The following SLC6A17 variants were observed in gnomAD, a reference collection of about 807,000 sequenced individuals.
SLC6A17 encodes the protein sodium-dependent neutral amino acid transporter SLC6A17.
In SLC6A17, 21 loss-of-function variants were observed where a neutral mutation model predicts 64.5. The observed-to-expected ratio is 0.33, with a 90% CI of 0.23 to 0.47. The LOEUF (loss-of-function observed/expected upper bound fraction) is 0.47. Ranked by LOEUF, SLC6A17 falls within the 20% of genes least tolerant of loss-of-function variation. SLC6A17 has a pLI of 1.00. For synonymous variants in SLC6A17, 372 were observed against 399.5 expected, an observed-to-expected ratio of 0.93 and a Z score of 0.82; for missense variants, 682 against 963.2, an observed-to-expected ratio of 0.71 and a Z score of 3.86.
intron 1 of SLC6A17, among the ~76,000 whole-genome samples, chr1:110,162,194 G>C (rs186213634): frequency 4.3e-5 from 6 of 138,180 alleles, no homozygotes; most frequent in Non-Finnish European, 1.0e-4. Flanking sequence ...AGCTACTAAG[G>C]GGGGGATAAT....
At chr1:110,166,091 C>A (rs1258446734) in intron 1 of SLC6A17, 3 of 152,234 alleles carry the variant, frequency 2.0e-5, no homozygotes, top group Non-Finnish European at 4.4e-5. Flanking sequence ...GATGGAGAAC[C>A]AGCTCTTGGC....
intron 2 of SLC6A17, 30 bp from the exon 3 acceptor site, chr1:110,172,030 C>T (rs1245728112): frequency 6.2e-7 from 1 of 1,611,030 alleles, no homozygotes; most frequent in African/African-American, 1.3e-5. Flanking sequence ...GCTCCAGAGC[C>T]CCTCTGCCAT....
chr1:110,175,017 G>A, intron 5 of SLC6A17, 57 bp downstream of exon 5: 14 of 1,562,868 alleles, frequency 9.0e-6, no homozygotes, highest in Non-Finnish European at 1.2e-5. Context: ...AAGGCACAGA[G>A]GGCACAGGGC....
At chr1:110,159,511 A>G (rs1251866200) in intron 1 of SLC6A17, among the ~76,000 whole-genome samples, 1 of 152,236 alleles carries the variant, frequency 6.6e-6, no homozygotes, top group East Asian at 1.9e-4. Flanking sequence ...AAAGTAAGAA[A>G]GGGCTGCAGA....
chr1:110,176,806 G>A, intron 6 of SLC6A17, 67 bp downstream of exon 6: 1 of 1,373,544 alleles, frequency 7.3e-7, no homozygotes, highest in Non-Finnish European at 1.0e-6. Context: ...TCAGCTTCCT[G>A]CAATTTCATG....
rs1001005328 is a variant in SLC6A17 at position 110,192,756 on chromosome 1, C to A, written c.1299+58C>A. On this transcript the variant is annotated intron_variant, in intron 8 of 11. Transcript: ENST00000331565. This position sits in a 1 kb window ranked among gnomAD's most constrained non-coding sequence, Gnocchi z 4.3. ...CAGGAACCCAGAGAGCAGCTGTGGCCGGCGGGAGCTTGGGCTCAGGCCTCA... is the reference window on the plus strand; with the variant it reads ...CAGGAACCCAGAGAGCAGCTGTGGCAGGCGGGAGCTTGGGCTCAGGCCTCA... The A allele has an allele frequency of 3.2e-6, 5 of 1,543,792 alleles. No homozygotes were observed. Among genetic ancestry groups the A allele is most frequent in the Admixed American group, 2.0e-5 (1 of 50,878 alleles).
intron 5 of SLC6A17, 141 bp downstream of exon 5, chr1:110,175,101 A>T: frequency 9.0e-7 from 1 of 1,107,076 alleles, no homozygotes. Flanking sequence ...GTGTGGAAGT[A>T]TCATTCCTAT....
At chr1:110,191,913 G>T in intron 6 of SLC6A17, 59 bp from the exon 7 acceptor site, 2 of 1,577,832 alleles carry the variant, frequency 1.3e-6, no homozygotes, top group South Asian at 1.2e-5. Flanking sequence ...GTGTGCACAT[G>T]AATAAAACCA....
intron 2 of SLC6A17, chr1:110,168,087 C>G (rs1656115323): frequency 6.6e-6 from 1 of 152,222 alleles, no homozygotes; most frequent in Non-Finnish European, 1.5e-5. Context: ...AACCAGAGAT[C>G]AACTAACTAA....
chr1:110,161,133 A>C (rs1028222627), intron 1 of SLC6A17, among the ~76,000 whole-genome samples: 1 of 152,224 alleles, frequency 6.6e-6, no homozygotes, highest in African/African-American at 2.4e-5. Flanking sequence ...TGTCAGGAGC[A>C]GTTTGCCCCA....
At chr1:110,153,056 G>C (rs10857815) in intron 1 of SLC6A17, among the ~76,000 whole-genome samples, 60,984 of 152,070 alleles carry the variant, frequency 0.4, 14,465 homozygotes, top group Non-Finnish European at 0.54. Flanking sequence ...ATTAGTGTTG[G>C]GGTAGGGGTG....
chr1:110,174,171 A>G, intron 4 of SLC6A17, 72 bp downstream of exon 4: 8 of 1,564,192 alleles, frequency 5.1e-6, no homozygotes, highest in Non-Finnish European at 6.9e-6. Flanking sequence ...CTTAGCGCAC[A>G]CATTTGGAAT....
chr1:110,183,774 A>C (rs547853887), intron 6 of SLC6A17, among the ~76,000 whole-genome samples: 4 of 152,196 alleles, frequency 2.6e-5, no homozygotes, highest in African/African-American at 9.6e-5. Flanking sequence ...GGCAGGTGAG[A>C]TGCTGTGGGA....
At chr1:110,183,349 A>G (rs578125195) in intron 6 of SLC6A17, among the ~76,000 whole-genome samples, 2 of 152,256 alleles carry the variant, frequency 1.3e-5, no homozygotes, top group Non-Finnish European at 2.9e-5. Context: ...TTTAAGCTAA[A>G]TGAAAGAAGC....
At chr1:110,169,161 A>G (rs1418210861) in intron 2 of SLC6A17, among the ~76,000 whole-genome samples, 1 of 152,174 alleles carries the variant, frequency 6.6e-6, no homozygotes, top group East Asian at 1.9e-4. Context: ...GCCATAGTCG[A>G]TGTAATCAAA....
In SLC6A17 at chr1:110,191,881, T is replaced by C. The variant is rs139783994; in HGVS notation, c.865-91T>C. 1.2e-3 allele frequency: 1,806 copies of C among 1,531,148 alleles called. 18 individuals are homozygous for C. In the African/African-American group the frequency reaches 0.022, roughly 19 times the overall value. 94.8% of individuals were successfully genotyped at this position (1,531,148 alleles called of 1,614,324 possible). A position where few individuals can be genotyped will look rare whatever the true frequency, so the allele number is the denominator to read the frequency against. On this transcript the variant is annotated intron_variant, in intron 6 of 11. Transcript: ENST00000331565. Reference sequence around the variant, plus strand: ...CCACTATGGGCTGCTGCCTCTGAACTCTGTTGAGGCTGAGAAAGGGGGTGT... The same window carrying C: ...CCACTATGGGCTGCTGCCTCTGAACCCTGTTGAGGCTGAGAAAGGGGGTGT...
intron 3 of SLC6A17, among the ~76,000 whole-genome samples, chr1:110,173,676 G>C (rs1405200803): frequency 6.6e-6 from 1 of 152,222 alleles, no homozygotes; most frequent in Non-Finnish European, 1.5e-5. Context: ...AGTACTTCAA[G>C]TATCTTAGAA....
At chr1:110,152,749 T>G (rs1655642927) in intron 1 of SLC6A17, among the ~76,000 whole-genome samples, 1 of 152,184 alleles carries the variant, frequency 6.6e-6, no homozygotes. Context: ...TTTCCTCAGT[T>G]GTAAAACAGG....
At chr1:110,158,472 A>C (rs1392945959) in intron 1 of SLC6A17, among the ~76,000 whole-genome samples, 1 of 152,128 alleles carries the variant, frequency 6.6e-6, no homozygotes, top group Non-Finnish European at 1.5e-5. Flanking sequence ...GGCTAAGCCC[A>C]TTTCCCACAT....
Sources: allele counts gnomAD v4.1 joint callset (sites outside exome capture counted in the v4.1 genomes callset), GRCh38; gene constraint gnomAD v4.1.1; non-coding constraint Gnocchi (gnomAD v3.1); transcripts MANE v1.5; gene names NCBI Gene and HGNC (gene_info 2026-07-23, HGNC 2026-07-21).